The following KSR2 variants were observed in gnomAD, a reference collection of about 807,000 sequenced individuals.
KSR2 encodes the protein kinase suppressor of ras 2.
Under a neutral mutation model 107.8 loss-of-function variants are expected in KSR2, and 25 were observed. The observed-to-expected ratio is 0.23, with a 90% confidence interval of 0.17 to 0.32. KSR2 has a LOEUF of 0.32. Among genes scored for constraint, KSR2 ranks in the 10% least tolerant of loss-of-function variants. The pLI, the probability that KSR2 is intolerant of heterozygous loss-of-function variation, is 1.00. For missense variants in KSR2, 887 were observed against 1,268.9 expected, an observed-to-expected ratio of 0.70 and a Z score of 4.57; for synonymous variants, 480 against 507.0, an observed-to-expected ratio of 0.95 and a Z score of 0.71.
chr12:117,702,284 C>T (rs1464397933), intron 4 of KSR2, among the ~76,000 whole-genome samples: 1 of 152,170 alleles, frequency 6.6e-6, no homozygotes, highest in East Asian at 1.9e-4. Context: ...TTGTCAGTTC[C>T]ATTGCAAAGG....
chr12:117,818,144 T>A (rs1891439803), intron 3 of KSR2, among the ~76,000 whole-genome samples: 1 of 151,996 alleles, frequency 6.6e-6, no homozygotes, highest in Non-Finnish European at 1.5e-5. Context: ...ATCCAATATG[T>A]CCCTCAAATC....
chr12:117,490,986 G>A (rs1285940560), intron 14 of KSR2, among the ~76,000 whole-genome samples: 1 of 151,956 alleles, frequency 6.6e-6, no homozygotes, highest in Admixed American at 6.6e-5. Context: ...TATTGTTATT[G>A]ATTATAATCA....
intron 5 of KSR2, among the ~76,000 whole-genome samples, chr12:117,597,791 A>G (rs930915672): frequency 6.6e-6 from 1 of 152,160 alleles, no homozygotes; most frequent in African/African-American, 2.4e-5. Context: ...TTTTGCACCA[A>G]CCTAATACTT....
At chr12:117,492,180 A>G (rs563664894) in intron 14 of KSR2, among the ~76,000 whole-genome samples, 280 of 152,188 alleles carry the variant, frequency 1.8e-3, no homozygotes, top group Non-Finnish European at 3.1e-3. Context: ...TTGAGTCCCT[A>G]TCTCAGGTGA....
At chr12:117,584,272 G>T (rs1879861989) in intron 5 of KSR2, among the ~76,000 whole-genome samples, 1 of 151,662 alleles carries the variant, frequency 6.6e-6, no homozygotes, top group Admixed American at 6.6e-5. Context: ...AAAGACAAGA[G>T]AAAAAAAAAT....
At chr12:117,718,089 T>C (rs867899740) in intron 4 of KSR2, among the ~76,000 whole-genome samples, 1 of 152,166 alleles carries the variant, frequency 6.6e-6, no homozygotes, top group East Asian at 1.9e-4. Context: ...GAGAAGCCAG[T>C]TTAAGTTGAG....
intron 1 of KSR2, among the ~76,000 whole-genome samples, chr12:117,961,261 T>C (rs1005978647): frequency 6.6e-6 from 1 of 152,138 alleles, no homozygotes; most frequent in Non-Finnish European, 1.5e-5. Context: ...CCCTTCTAGA[T>C]GCACCAATGA....
At chr12:117,711,426 G>A (rs1311137708) in intron 4 of KSR2, among the ~76,000 whole-genome samples, 1 of 152,258 alleles carries the variant, frequency 6.6e-6, no homozygotes, top group Non-Finnish European at 1.5e-5. Flanking sequence ...CAATGTGGCT[G>A]AAGCTGTCTG....
chr12:117,538,680 CTACTGAGCCCT>C (rs1285150558), intron 10 of KSR2, among the ~76,000 whole-genome samples: 1 of 152,216 alleles, frequency 6.6e-6, no homozygotes, highest in Non-Finnish European at 1.5e-5. Context: ...CCACATGTGG[CTACTGAGCCCT>C]TGCAATGTGG....
intron 1 of KSR2, among the ~76,000 whole-genome samples, chr12:117,878,604 G>A (rs560150619): frequency 4.6e-5 from 7 of 152,180 alleles, no homozygotes; most frequent in Non-Finnish European, 8.8e-5. Flanking sequence ...AGAGCAGGAC[G>A]CCAAGTAGCA....
intron 1 of KSR2, among the ~76,000 whole-genome samples, chr12:117,936,511 T>A (rs954048921): frequency 2.1e-5 from 3 of 139,798 alleles, no homozygotes; most frequent in African/African-American, 8.1e-5. Flanking sequence ...TTATTATTAT[T>A]TTATTATTAT....
At chr12:117,762,594 G>A (rs1030432766) in intron 3 of KSR2, among the ~76,000 whole-genome samples, 2 of 152,160 alleles carry the variant, frequency 1.3e-5, no homozygotes, top group African/African-American at 2.4e-5. Context: ...AGCTGGGCAC[G>A]GAGGCTCACA....
chr12:117,782,546 T>A (rs922061562), intron 3 of KSR2, among the ~76,000 whole-genome samples: 1 of 152,218 alleles, frequency 6.6e-6, no homozygotes, highest in Non-Finnish European at 1.5e-5. Flanking sequence ...ATTACAAGCG[T>A]GAGCCACTGT....
At chr12:117,638,689 G>C (rs1883219625) in intron 5 of KSR2, among the ~76,000 whole-genome samples, 1 of 152,158 alleles carries the variant, frequency 6.6e-6, no homozygotes, top group African/African-American at 2.4e-5. Context: ...GTGAGGAAAG[G>C]AAGGGGAAGG....
At chr12:117,928,448 T>C (rs1424805300) in intron 1 of KSR2, among the ~76,000 whole-genome samples, 2 of 152,160 alleles carry the variant, frequency 1.3e-5, no homozygotes, top group African/African-American at 4.8e-5. Flanking sequence ...CCTCCCAAAG[T>C]GCTGGGATTA....
At chr12:117,942,791 C>A (rs1007430268) in intron 1 of KSR2, among the ~76,000 whole-genome samples, 18 of 152,010 alleles carry the variant, frequency 1.2e-4, no homozygotes, top group African/African-American at 3.9e-4. Flanking sequence ...TGAACTACCC[C>A]ACCCAGCCTA....
At chr12:117,657,742 T>G (rs1029209917) in intron 5 of KSR2, among the ~76,000 whole-genome samples, 1 of 152,158 alleles carries the variant, frequency 6.6e-6, no homozygotes, top group Admixed American at 6.5e-5. Context: ...TAGCTAAAGG[T>G]TCACAGTGCT....
At chr12:117,884,736 C>T (rs889153724) in intron 1 of KSR2, among the ~76,000 whole-genome samples, 2 of 152,154 alleles carry the variant, frequency 1.3e-5, no homozygotes, top group African/African-American at 2.4e-5. Flanking sequence ...TGTGGCATAG[C>T]GAGTGGAAAG....
chr12:117,566,268 C>T (rs574990382), intron 7 of KSR2, among the ~76,000 whole-genome samples: 3 of 152,088 alleles, frequency 2.0e-5, no homozygotes, highest in African/African-American at 7.2e-5. Context: ...TACAGGAGTG[C>T]GCCACCACGC....
Sources: allele counts gnomAD v4.1 joint callset (sites outside exome capture counted in the v4.1 genomes callset), GRCh38; gene constraint gnomAD v4.1.1; transcripts MANE v1.5; gene names NCBI Gene and HGNC (gene_info 2026-07-23, HGNC 2026-07-21).